NDC1: variants seen among roughly 807,000 people sequenced by gnomAD.
NDC1 encodes the protein NDC1 transmembrane nucleoporin.
A neutral mutation model predicts 89.8 loss-of-function variants in NDC1; 24 were observed. The observed-to-expected ratio is 0.27, with a 90% confidence interval of 0.19 to 0.38. The LOEUF (loss-of-function observed/expected upper bound fraction) is 0.38. Ranked by LOEUF, NDC1 falls within the 10% of genes least tolerant of loss-of-function variation. The pLI is 1.00. For missense variants in NDC1, 728 were observed against 797.6 expected (o/e 0.91, Z 1.05); for synonymous variants, 296 against 284.8 (o/e 1.04, Z -0.39).
At chr1:53,788,026 T>A (rs1197471014) in intron 15 of NDC1, among the ~76,000 whole-genome samples, 2 of 151,582 alleles carry the variant, frequency 1.3e-5, no homozygotes, top group Non-Finnish European at 2.9e-5. Flanking sequence ...TAAGTTAACA[T>A]AAGTTAAAAA....
chr1:53,780,866 T>C (rs1191762900), intron 16 of NDC1, among the ~76,000 whole-genome samples: 1 of 149,890 alleles, frequency 6.7e-6, no homozygotes, highest in Non-Finnish European at 1.5e-5. Context: ...TTTCTTTCTT[T>C]TTTTTTTTTT....
chr1:53,782,497 G>A (rs1647220604), intron 16 of NDC1, among the ~76,000 whole-genome samples: 1 of 152,170 alleles, frequency 6.6e-6, no homozygotes, highest in South Asian at 2.1e-4. Flanking sequence ...AGGCATATAC[G>A]CAAGTCAGGA....
chr1:53,768,478 C>G (rs1294591386), intron 17 of NDC1, among the ~76,000 whole-genome samples: 2 of 152,110 alleles, frequency 1.3e-5, no homozygotes, highest in African/African-American at 2.4e-5. Flanking sequence ...TAATTGTTTT[C>G]AAAGGTAACA....
At chr1:53,788,166 C>T (rs200818924) in intron 15 of NDC1, among the ~76,000 whole-genome samples, 1 of 152,078 alleles carries the variant, frequency 6.6e-6, no homozygotes, top group African/African-American at 2.4e-5. Context: ...TGGTGGCATG[C>T]ACCTGTAGTC....
intron 16 of NDC1, among the ~76,000 whole-genome samples, chr1:53,774,608 G>A (rs1192744023): frequency 1.3e-5 from 2 of 152,214 alleles, no homozygotes; most frequent in African/African-American, 4.8e-5. Flanking sequence ...AAATAAGAAG[G>A]CCAGGCACAA....
At position 53,793,298 on chromosome 1, in the gene NDC1, A is replaced by G. The variant is rs1330634169; in HGVS notation, c.1585-19T>C. The G allele has an allele frequency of 1.3e-6, 2 of 1,580,366 alleles. No homozygotes were observed. The highest frequency in any genetic ancestry group is 2.7e-5 in the African/African-American group (2 of 74,288). On this transcript the variant is annotated intron_variant, in intron 13 of 17. Coordinates refer to ENST00000371429, the MANE Select transcript of NDC1 (RefSeq NM_018087.5). ...TCTTAATCTGAGTTGGAAAAAAGGA[A>G]GAATTAACACATTTACCTTTTAAAT...
chr1:53,814,725 A>T (rs1049307000), intron 6 of NDC1, among the ~76,000 whole-genome samples: 4 of 152,242 alleles, frequency 2.6e-5, no homozygotes, highest in Admixed American at 2.6e-4. Flanking sequence ...CCAAAAAAAG[A>T]AGAGAGAAAA....
At position 53,767,694 on chromosome 1, in the gene NDC1, C is replaced by T. The variant is rs1456567705; in HGVS notation, c.*276G>A. 3.6e-6 allele frequency: 1 copy of T among 280,036 alleles called. No individual in the cohort carries two copies. The highest frequency in any genetic ancestry group is 6.6e-6 in the Non-Finnish European group (1 of 151,100). The allele number at this position is 280,036 out of a possible 1,614,324, so 17.3% of individuals were successfully genotyped here. On this transcript the variant is annotated 3_prime_UTR_variant, in exon 18 of 18. Transcript: ENST00000371429. ...ACTATTAAGTTATATGAGCTAGAGA[C>T]ATTTCGACTGCCATCAATGCTTCTG...
intron 5 of NDC1, among the ~76,000 whole-genome samples, chr1:53,820,224 C>A (rs1232291015): frequency 6.6e-6 from 1 of 150,962 alleles, no homozygotes; most frequent in Non-Finnish European, 1.5e-5. Context: ...CACTGCACTC[C>A]AGCCTGGGCA....
intron 11 of NDC1, 58 bp downstream of exon 11, chr1:53,800,635 A>C: frequency 1.3e-6 from 2 of 1,590,298 alleles, no homozygotes; most frequent in South Asian, 2.2e-5. Context: ...TACTACAGTC[A>C]TCTTTCTTAG....
chr1:53,797,422 C>T (rs1330761056), intron 11 of NDC1, among the ~76,000 whole-genome samples: 1 of 152,108 alleles, frequency 6.6e-6, no homozygotes, highest in Non-Finnish European at 1.5e-5. Flanking sequence ...TTATCTAACT[C>T]TAAGCAATTT....
intron 16 of NDC1, among the ~76,000 whole-genome samples, chr1:53,775,326 G>A (rs533917511): frequency 4.9e-4 from 73 of 150,504 alleles, no homozygotes; most frequent in African/African-American, 1.5e-3. Context: ...GTGTGATCTC[G>A]GCTCACTGCA....
At chr1:53,824,108 C>T (rs1648761307) in intron 5 of NDC1, among the ~76,000 whole-genome samples, 5 of 151,668 alleles carry the variant, frequency 3.3e-5, no homozygotes, top group Admixed American at 3.3e-4. Context: ...GTGGTGCATG[C>T]CAGTAGCCCC....
chr1:53,796,609 C>A, intron 13 of NDC1, 80 bp downstream of exon 13: 12 of 710,306 alleles, frequency 1.7e-5, no homozygotes, highest in Non-Finnish European at 2.2e-5. Context: ...GCTTCTTATT[C>A]CTGATGACTT....
chr1:53,805,845 C>T (rs1463315994), intron 9 of NDC1, among the ~76,000 whole-genome samples: 1 of 152,100 alleles, frequency 6.6e-6, no homozygotes, highest in Non-Finnish European at 1.5e-5. Context: ...GAGGCCGAGG[C>T]GGGTGGATCA....
At chr1:53,836,650 C>T (rs113016399) in intron 1 of NDC1, among the ~76,000 whole-genome samples, 18,048 of 151,836 alleles carry the variant, frequency 0.12, 1,206 homozygotes, top group Non-Finnish European at 0.15. Flanking sequence ...TGCCCGCCAC[C>T]ACACCTGACT....
Position 53,832,104 on chromosome 1 carries a change from A to G in NDC1, c.280+386T>C, listed in dbSNP as rs537620718. On this transcript the variant is annotated intron_variant, in intron 3 of 17. Transcript: ENST00000371429. Reference sequence around the variant, plus strand: ...GTACACAGTTCTGCGGCATAAGTACACTCATATTGTTGTATAACCACTACC... The same window carrying G: ...GTACACAGTTCTGCGGCATAAGTACGCTCATATTGTTGTATAACCACTACC... 3.3e-5 allele frequency among the ~76,000 whole-genome samples: 5 copies of G among 152,166 alleles called. No individual in the cohort carries two copies. The South Asian group carries it at 1.0e-3, about 32-fold the overall frequency.
chr1:53,790,002 C>T (rs866278388), intron 14 of NDC1, among the ~76,000 whole-genome samples: 2 of 151,910 alleles, frequency 1.3e-5, no homozygotes, highest in Middle Eastern at 3.4e-3. Context: ...ATTTGGGTGG[C>T]TGAGGCAGGA....
intron 16 of NDC1, among the ~76,000 whole-genome samples, chr1:53,776,190 C>T (rs1341476976): frequency 2.0e-5 from 3 of 152,136 alleles, no homozygotes; most frequent in Non-Finnish European, 4.4e-5. Flanking sequence ...CTCCTGACCT[C>T]AAGTGATCTG....
Sources: gnomAD v4.1 joint callset for allele counts (sites outside exome capture counted in the v4.1 genomes callset) on GRCh38, gnomAD v4.1.1 for gene constraint, MANE v1.5 for transcripts, NCBI Gene and HGNC (gene_info 2026-07-23, HGNC 2026-07-21) for gene names.